The following DSCAM variants were observed in gnomAD, a reference collection of about 807,000 sequenced individuals.
The protein encoded by DSCAM is DS cell adhesion molecule.
A neutral mutation model predicts 217.7 loss-of-function variants in DSCAM; 47 were observed. The observed-to-expected ratio is 0.22, with a 90% CI of 0.17 to 0.28. DSCAM has a LOEUF of 0.28. Among genes scored for constraint, DSCAM ranks in the 10% least tolerant of loss-of-function variants. DSCAM has a pLI of 1.00. For synonymous variants in DSCAM, 1,056 were observed against 1,015.3 expected (o/e 1.04, Z -0.76); for missense variants, 2,080 against 2,618.3 (o/e 0.79, Z 4.49).
At chr21:40,122,443 T>G (rs971214218) in intron 20 of DSCAM, among the ~76,000 whole-genome samples, 1 of 152,228 alleles carries the variant, frequency 6.6e-6, no homozygotes, top group African/African-American at 2.4e-5. Context: ...GAGTGAATAC[T>G]AATACAGATG....
intron 1 of DSCAM, among the ~76,000 whole-genome samples, chr21:40,762,114 G>A (rs140731361): frequency 1.1e-4 from 17 of 152,218 alleles, no homozygotes; most frequent in African/African-American, 3.9e-4. Context: ...TAAGATCAGA[G>A]CAGAACTGAA....
At chr21:40,470,620 G>T (rs2075880541) in intron 3 of DSCAM, among the ~76,000 whole-genome samples, 1 of 152,168 alleles carries the variant, frequency 6.6e-6, no homozygotes, top group South Asian at 2.1e-4. Flanking sequence ...TGGCATGATT[G>T]TTGGCTCACT....
intron 3 of DSCAM, among the ~76,000 whole-genome samples, chr21:40,586,969 A>G (rs920526571): frequency 6.6e-6 from 1 of 152,240 alleles, no homozygotes; most frequent in Non-Finnish European, 1.5e-5. Context: ...AATTCCAGAT[A>G]CAAAAATAAA....
intron 1 of DSCAM, among the ~76,000 whole-genome samples, chr21:40,742,840 T>C (rs898854998): frequency 1.3e-5 from 2 of 152,190 alleles, no homozygotes; most frequent in African/African-American, 4.8e-5. Context: ...ATTGCCATTA[T>C]TGTCAATATC....
At chr21:40,093,186 G>A (rs1483165381) in intron 21 of DSCAM, among the ~76,000 whole-genome samples, 1 of 152,150 alleles carries the variant, frequency 6.6e-6, no homozygotes, top group African/African-American at 2.4e-5. Context: ...TGCTTTTTAA[G>A]GACCAGTTTA....
At chr21:40,029,209 T>G (rs559750183) in intron 32 of DSCAM, among the ~76,000 whole-genome samples, 7 of 152,080 alleles carry the variant, frequency 4.6e-5, no homozygotes, top group Non-Finnish European at 7.4e-5. Context: ...GATTACTGCT[T>G]CTTCTTCTTA....
intron 1 of DSCAM, among the ~76,000 whole-genome samples, chr21:40,723,517 C>T (rs187029952): frequency 1.8e-3 from 281 of 152,304 alleles, no homozygotes; most frequent in African/African-American, 6.5e-3. Context: ...CCATTGCAAT[C>T]TAGAAGAGGG....
chr21:40,646,297 C>T (rs1461377962), intron 3 of DSCAM, among the ~76,000 whole-genome samples: 2 of 151,806 alleles, frequency 1.3e-5, no homozygotes, highest in Non-Finnish European at 2.9e-5. Context: ...CACCTGTAGT[C>T]TCAACTACTT....
intron 32 of DSCAM, among the ~76,000 whole-genome samples, chr21:40,026,965 C>G (rs1326967977): frequency 6.6e-6 from 1 of 152,308 alleles, no homozygotes; most frequent in African/African-American, 2.4e-5. Flanking sequence ...CAGTTTCTTC[C>G]TAGTCTTGAT....
chr21:40,664,321 C>A (rs1035753669), intron 3 of DSCAM, among the ~76,000 whole-genome samples: 6 of 152,184 alleles, frequency 3.9e-5, no homozygotes, highest in African/African-American at 1.4e-4. Context: ...TTTGTAAAGA[C>A]CTGACTCTTC....
At chr21:40,478,512 A>G (rs2075956119) in intron 3 of DSCAM, among the ~76,000 whole-genome samples, 1 of 152,234 alleles carries the variant, frequency 6.6e-6, no homozygotes, top group Non-Finnish European at 1.5e-5. Flanking sequence ...AAAAAGTTAC[A>G]TTGTACTAAA....
intron 3 of DSCAM, among the ~76,000 whole-genome samples, chr21:40,469,147 C>G (rs574615385): frequency 1.3e-5 from 2 of 152,280 alleles, no homozygotes; most frequent in Admixed American, 6.5e-5. Context: ...CAACCCCTAC[C>G]CTGGCAGCTA....
intron 6 of DSCAM, among the ~76,000 whole-genome samples, chr21:40,342,646 ATATT>A (rs1231839454): frequency 1.2e-5 from 1 of 83,612 alleles, no homozygotes; most frequent in African/African-American, 5.0e-5. Flanking sequence ...ATATATATAT[ATATT>A]TTTTTTTTTT....
chr21:40,518,022 G>A (rs1008477905), intron 3 of DSCAM, among the ~76,000 whole-genome samples: 2 of 151,950 alleles, frequency 1.3e-5, no homozygotes, highest in African/African-American at 2.4e-5. Context: ...GGTTCACAGA[G>A]ACATGGGTGC....
chr21:40,273,536 C>T (rs2073646797), intron 11 of DSCAM, among the ~76,000 whole-genome samples: 1 of 152,184 alleles, frequency 6.6e-6, no homozygotes, highest in Non-Finnish European at 1.5e-5. Context: ...GCTTCTCTGT[C>T]TCCTGTCCCT....
chr21:40,791,863 C>T (rs374262988), intron 1 of DSCAM, among the ~76,000 whole-genome samples: 1 of 152,120 alleles, frequency 6.6e-6, no homozygotes, highest in African/African-American at 2.4e-5. Flanking sequence ...CCACAGCTCA[C>T]TGAATGTAGA....
intron 11 of DSCAM, among the ~76,000 whole-genome samples, chr21:40,254,195 G>A (rs905392658): frequency 9.2e-5 from 14 of 152,174 alleles, no homozygotes; most frequent in Admixed American, 2.0e-4. Flanking sequence ...TCACAGCTAA[G>A]ATAAATGACA....
intron 8 of DSCAM, among the ~76,000 whole-genome samples, chr21:40,321,545 T>G (rs187041140): frequency 7.2e-5 from 11 of 152,270 alleles, no homozygotes; most frequent in African/African-American, 2.6e-4. Flanking sequence ...TTGTGTGGTT[T>G]CTCTTTTTCC....
At chr21:40,153,896 A>T (rs1266420310) in intron 16 of DSCAM, among the ~76,000 whole-genome samples, 1 of 152,198 alleles carries the variant, frequency 6.6e-6, no homozygotes, top group African/African-American at 2.4e-5. Flanking sequence ...TTCTCAGGTT[A>T]GCCAGTAGCC....
Sources: gnomAD v4.1 joint callset for allele counts (sites outside exome capture counted in the v4.1 genomes callset) on GRCh38, gnomAD v4.1.1 for gene constraint, MANE v1.5 for transcripts, NCBI Gene and HGNC (gene_info 2026-07-23, HGNC 2026-07-21) for gene names.